PLEKHA6: variants seen among roughly 807,000 people sequenced by gnomAD.
PLEKHA6 encodes pleckstrin homology domain containing A6, also known as pleckstrin homology domain-containing family A member 6.
PLEKHA6 carries 60 observed loss-of-function variants against 116.7 expected under a neutral mutation model. The ratio of observed to expected loss-of-function variants is 0.51; its 90% CI spans 0.42 to 0.64. The LOEUF (loss-of-function observed/expected upper bound fraction) is 0.64, where lower values mean the gene tolerates loss of function less well. Ranked by LOEUF, PLEKHA6 falls within the 30% of genes least tolerant of loss-of-function variation. The probability of loss-of-function intolerance (pLI) is 0.00; values close to 1 mark genes in which losing one functional copy is unlikely to be tolerated. For synonymous variants in PLEKHA6, 489 were observed against 556.1 expected (o/e 0.88, Z 1.70); for missense variants, 1,338 against 1,422.7 (o/e 0.94, Z 0.96).
intron 15 of PLEKHA6, among the ~76,000 whole-genome samples, chr1:204,244,443 A>G (rs1328952623): frequency 6.6e-6 from 1 of 151,930 alleles, no homozygotes; most frequent in Non-Finnish European, 1.5e-5. Context: ...CCACGTGTGT[A>G]TCTTTCTAAG....
Position 204,259,175 on chromosome 1 carries a change from G to T in PLEKHA6, c.1007+83C>A. 3.4e-6 allele frequency: 5 copies of T among 1,455,550 alleles called. No homozygotes were observed. Among genetic ancestry groups the T allele is most frequent in the Admixed American group, 2.0e-5 (1 of 50,976 alleles). 90.2% of individuals were successfully genotyped at this position (1,455,550 alleles called of 1,614,324 possible). A position where few individuals can be genotyped will look rare whatever the true frequency, so the allele number is the denominator to read the frequency against. On this transcript the variant is annotated intron_variant, in intron 8 of 22. Transcript: ENST00000272203. The surrounding 1 kb of genome is among the most constrained non-coding windows in gnomAD (Gnocchi z 4.6). ...TGCTTCCAGAAGGTTTCCAACAGGG[G>T]ATGCCTCGTGGGCTATGACCCCACT...
At chr1:204,342,530 A>T (rs1672885552) in intron 1 of PLEKHA6, among the ~76,000 whole-genome samples, 1 of 152,210 alleles carries the variant, frequency 6.6e-6, no homozygotes. Context: ...TAATGTGCAT[A>T]TGAATCACCT....
At chr1:204,295,364 C>G (rs2103051561) in intron 1 of PLEKHA6, among the ~76,000 whole-genome samples, 1 of 152,132 alleles carries the variant, frequency 6.6e-6, no homozygotes, top group East Asian at 1.9e-4. Context: ...GTGGCACACG[C>G]CTGTAGTCCC....
At chr1:204,318,744 G>C (rs1056619642) in intron 1 of PLEKHA6, among the ~76,000 whole-genome samples, 1 of 152,194 alleles carries the variant, frequency 6.6e-6, no homozygotes, top group Non-Finnish European at 1.5e-5. Context: ...TTAAGTACTC[G>C]TTTAATTTGA....
intron 12 of PLEKHA6, 107 bp downstream of exon 12, chr1:204,248,714 C>T: frequency 9.8e-7 from 1 of 1,024,850 alleles, no homozygotes; most frequent in Admixed American, 2.1e-5. Context: ...GTACTCAGCT[C>T]TTGTCCTCTG....
chr1:204,299,643 C>T (rs932178168), intron 1 of PLEKHA6: 8 of 985,086 alleles, frequency 8.1e-6, no homozygotes, highest in Middle Eastern at 1.0e-3. Context: ...TCCAAAGCAA[C>T]GTGGGTCTTC....
At chr1:204,253,554 G>C (rs188078027) in intron 9 of PLEKHA6, among the ~76,000 whole-genome samples, 1 of 152,312 alleles carries the variant, frequency 6.6e-6, no homozygotes, top group Admixed American at 6.5e-5. Context: ...GCCAGCTACA[G>C]TGGCTCATGC....
rs1311899509 is a variant in PLEKHA6, at chr1:204,273,569, T to A, written c.102+57A>T. The stretch of plus-strand genomic sequence containing the variant: ...TTCCTAGGATTCCCAGAGATCCCAC[T>A]AAACATGCACTGAAGACGTTTCCAG... On this transcript the variant is annotated intron_variant, in intron 3 of 22. Transcript: ENST00000272203. The A allele has an allele frequency of 9.6e-6, 11 of 1,142,322 alleles. No homozygotes were observed. The East Asian group carries it at 2.3e-4, about 24-fold the overall frequency. 70.8% of individuals were successfully genotyped at this position (1,142,322 alleles called of 1,614,324 possible).
intron 9 of PLEKHA6, chr1:204,256,943 C>A: frequency 1.7e-6 from 1 of 586,260 alleles, no homozygotes; most frequent in South Asian, 2.1e-5. Flanking sequence ...ACGGAGTTCC[C>A]CAACAGCTGA....
At chr1:204,284,717 C>A (rs1364230483) in intron 1 of PLEKHA6, among the ~76,000 whole-genome samples, 1 of 151,730 alleles carries the variant, frequency 6.6e-6, no homozygotes, top group Non-Finnish European at 1.5e-5. Context: ...AAGGAATGGA[C>A]AGCGTGTGGA....
At chr1:204,304,240 C>T (rs892621373) in intron 1 of PLEKHA6, among the ~76,000 whole-genome samples, 3 of 152,208 alleles carry the variant, frequency 2.0e-5, no homozygotes, top group African/African-American at 7.2e-5. Flanking sequence ...AATCCCAAAG[C>T]CCTGCTATCC....
intron 1 of PLEKHA6, among the ~76,000 whole-genome samples, chr1:204,329,110 T>C (rs1396635198): frequency 6.6e-6 from 1 of 152,228 alleles, no homozygotes. Context: ...CTGGGGTGAT[T>C]AGAGGGGATA....
intron 1 of PLEKHA6, among the ~76,000 whole-genome samples, chr1:204,337,640 T>C (rs1368470083): frequency 6.6e-6 from 1 of 152,120 alleles, no homozygotes; most frequent in Non-Finnish European, 1.5e-5. Context: ...CCTCAGCTGC[T>C]CTAGGAGAAG....
chr1:204,294,723 T>C (rs1358884845), intron 1 of PLEKHA6, among the ~76,000 whole-genome samples: 2 of 152,206 alleles, frequency 1.3e-5, no homozygotes, highest in Non-Finnish European at 2.9e-5. Context: ...GTGAGAAACT[T>C]AACCTCTCTG....
In PLEKHA6 at chr1:204,235,711, G is replaced by A. The variant is rs769116368; in HGVS notation, c.2410-5125C>T. 6.0e-5 allele frequency among the ~76,000 whole-genome samples: 8 copies of A among 132,532 alleles called. No individual in the cohort carries two copies. In the South Asian group the frequency reaches 6.9e-4, roughly 11 times the overall value. The allele number at this position is 132,532 out of a possible 152,430, so 86.9% of individuals were successfully genotyped here. A position where few individuals can be genotyped will look rare whatever the true frequency, so the allele number is the denominator to read the frequency against. Reference sequence around the variant, plus strand: ...CCCTGATGAAGCTGGGGACATGTAGGAGGACCCTGATGAAGCTGGGGACAT... The same window carrying A: ...CCCTGATGAAGCTGGGGACATGTAGAAGGACCCTGATGAAGCTGGGGACAT... On this transcript the variant is annotated intron_variant, in intron 17 of 22. Transcript: ENST00000272203.
At chr1:204,326,278 C>A (rs1292873357) in intron 1 of PLEKHA6, among the ~76,000 whole-genome samples, 1 of 152,196 alleles carries the variant, frequency 6.6e-6, no homozygotes, top group Non-Finnish European at 1.5e-5. Flanking sequence ...TAGACCCAAC[C>A]AGCCAGGAGA....
intron 1 of PLEKHA6, among the ~76,000 whole-genome samples, chr1:204,358,509 C>T (rs554634177): frequency 2.4e-3 from 368 of 152,320 alleles, no homozygotes; most frequent in Non-Finnish European, 4.5e-3. Context: ...GGCAAGTGCC[C>T]GCAGTGCCCC....
At chr1:204,297,799 T>C in intron 1 of PLEKHA6, 1 of 676,884 alleles carries the variant, frequency 1.5e-6, no homozygotes, top group African/African-American at 1.9e-5. Context: ...TTGCTAACTA[T>C]GAGCTGTTTC....
chr1:204,372,436 TGA>T (rs1673793560), intron 1 of PLEKHA6, among the ~76,000 whole-genome samples: 1 of 152,180 alleles, frequency 6.6e-6, no homozygotes, highest in South Asian at 2.1e-4. Flanking sequence ...AAGAAGCATC[TGA>T]CTGTCTTGGC....
Sources: gnomAD v4.1 joint callset for allele counts (sites outside exome capture counted in the v4.1 genomes callset) on GRCh38, gnomAD v4.1.1 for gene constraint, Gnocchi (gnomAD v3.1) non-coding constraint, MANE v1.5 for transcripts, NCBI Gene and HGNC (gene_info 2026-07-23, HGNC 2026-07-21) for gene names.